DENND1A: variants seen among roughly 807,000 people sequenced by gnomAD.
DENND1A encodes DENN domain-containing protein 1A.
In DENND1A, 51 loss-of-function variants were observed where a neutral mutation model predicts 113.7. The observed-to-expected ratio is 0.45, with a 90% confidence interval of 0.36 to 0.57. The LOEUF is 0.57. Among genes scored for constraint, DENND1A ranks in the 20% least tolerant of loss-of-function variants. The pLI, the probability that DENND1A is intolerant of heterozygous loss-of-function variation, is 0.00. For missense variants in DENND1A, 1,258 were observed against 1,395.9 expected (o/e 0.90, Z 1.57); for synonymous variants, 565 against 570.8 (o/e 0.99, Z 0.14).
chr9:123,568,754 A>C (rs914583892), intron 12 of DENND1A, among the ~76,000 whole-genome samples: 4 of 152,106 alleles, frequency 2.6e-5, no homozygotes, highest in Admixed American at 1.3e-4. Flanking sequence ...ACACAGAGCG[A>C]GATATCTCCC....
chr9:123,657,409 G>A (rs1286543826), intron 8 of DENND1A, among the ~76,000 whole-genome samples: 1 of 151,338 alleles, frequency 6.6e-6, no homozygotes, highest in African/African-American at 2.4e-5. Context: ...GGCGATGGGG[G>A]GAGTTGGAGT....
intron 8 of DENND1A, among the ~76,000 whole-genome samples, chr9:123,655,679 G>T (rs2139532162): frequency 6.6e-6 from 1 of 152,324 alleles, no homozygotes; most frequent in East Asian, 1.9e-4. Flanking sequence ...TTCACAGCCA[G>T]GCCAAGCATA....
At chr9:123,403,220 G>C (rs1362700201) in intron 21 of DENND1A, among the ~76,000 whole-genome samples, 182 bp downstream of exon 21, 1 of 152,244 alleles carries the variant, frequency 6.6e-6, no homozygotes, top group Non-Finnish European at 1.5e-5. Context: ...CCTCCCACTG[G>C]TGTGACAACC....
intron 1 of DENND1A, among the ~76,000 whole-genome samples, chr9:123,920,462 A>G (rs1487191930): frequency 1.3e-5 from 2 of 152,244 alleles, no homozygotes; most frequent in Non-Finnish European, 2.9e-5. Flanking sequence ...AAAAAGACTG[A>G]AAAGTAGTAC....
At chr9:123,482,825 G>A (rs1038909369) in intron 13 of DENND1A, among the ~76,000 whole-genome samples, 2 of 152,230 alleles carry the variant, frequency 1.3e-5, no homozygotes, top group African/African-American at 4.8e-5. Flanking sequence ...CCAGGCCTCT[G>A]TGGGATGGAG....
chr9:123,918,211 G>A (rs1006295649), intron 1 of DENND1A, among the ~76,000 whole-genome samples: 7 of 151,196 alleles, frequency 4.6e-5, no homozygotes, highest in Non-Finnish European at 8.8e-5. Context: ...TGGACAGGCC[G>A]GGCGTGGTGG....
intron 1 of DENND1A, among the ~76,000 whole-genome samples, chr9:123,889,761 T>G (rs992747039): frequency 2.6e-5 from 4 of 152,120 alleles, no homozygotes; most frequent in Non-Finnish European, 5.9e-5. Flanking sequence ...TCACCTGAGG[T>G]CAGGAGTTCA....
chr9:123,855,686 C>T (rs1318313660), intron 2 of DENND1A, among the ~76,000 whole-genome samples: 1 of 152,132 alleles, frequency 6.6e-6, no homozygotes, highest in African/African-American at 2.4e-5. Flanking sequence ...TTAAAACACA[C>T]ATTATGACAG....
At chr9:123,501,368 A>G (rs964915481) in intron 13 of DENND1A, among the ~76,000 whole-genome samples, 5 of 152,308 alleles carry the variant, frequency 3.3e-5, no homozygotes, top group African/African-American at 1.2e-4. Context: ...TTGCTTCCAC[A>G]TTTTAGCTAT....
At chr9:123,427,484 G>A (rs1408821460) in intron 19 of DENND1A, among the ~76,000 whole-genome samples, 3 of 152,098 alleles carry the variant, frequency 2.0e-5, no homozygotes, top group Non-Finnish European at 4.4e-5. Context: ...CTACCTCCCT[G>A]GTCTGCCATG....
Position 123,842,317 on chromosome 9 carries a change from A to G in DENND1A, c.88+36634T>C, listed in dbSNP as rs866592201. On this transcript the variant is annotated intron_variant, in intron 2 of 23. Coordinates refer to ENST00000394215, the MANE Select transcript of DENND1A (RefSeq NM_001352964.2). Reference sequence around the variant, plus strand: ...GACAAAGAAACAGCATCTGAAAATGACAATTACTTTGCAGTGGCTGCAAGT... The same window carrying G: ...GACAAAGAAACAGCATCTGAAAATGGCAATTACTTTGCAGTGGCTGCAAGT... 1.6e-4 allele frequency among the ~76,000 whole-genome samples: 24 copies of G among 152,256 alleles called. 1 individual carries two copies. Among genetic ancestry groups the G allele is most frequent in the African/African-American group, 5.1e-4 (21 of 41,472 alleles).
At chr9:123,565,430 T>C (rs2058001027) in intron 12 of DENND1A, among the ~76,000 whole-genome samples, 1 of 152,246 alleles carries the variant, frequency 6.6e-6, no homozygotes, top group African/African-American at 2.4e-5. Flanking sequence ...TGCTTCTCTT[T>C]CCTGGGAGTT....
In DENND1A at chr9:123,450,102, G is replaced by A. The variant is rs113776707; in HGVS notation, c.1356+591C>T. On this transcript the variant is annotated intron_variant, in intron 18 of 23. Transcript: ENST00000394215. ...GGAATCTTAGCCAGGACATAGCTGG[G>A]ATGATATCCCACTTTTACTGACGGC... 3.2e-3 allele frequency among the ~76,000 whole-genome samples: 487 copies of A among 151,304 alleles called. 6 individuals carry two copies. Among genetic ancestry groups the A allele is most frequent in the Non-Finnish European group, 2.1e-3 (145 of 67,932 alleles).
chr9:123,519,101 C>A (rs2054176977), intron 13 of DENND1A, among the ~76,000 whole-genome samples: 1 of 152,226 alleles, frequency 6.6e-6, no homozygotes, highest in South Asian at 2.1e-4. Context: ...CCCCTCCACC[C>A]AACACGGATG....
intron 5 of DENND1A, among the ~76,000 whole-genome samples, chr9:123,686,888 T>C (rs955757208): frequency 2.0e-5 from 3 of 152,194 alleles, no homozygotes; most frequent in Non-Finnish European, 4.4e-5. Flanking sequence ...TTTCCACAAA[T>C]AGTACTCATT....
At chr9:123,461,500 T>C (rs1293496075) in intron 13 of DENND1A, among the ~76,000 whole-genome samples, 1 of 152,178 alleles carries the variant, frequency 6.6e-6, no homozygotes, top group East Asian at 1.9e-4. Flanking sequence ...GTGGCACCCA[T>C]GCACAGGGAG....
chr9:123,684,329 ACT>A (rs1451010861), intron 5 of DENND1A, among the ~76,000 whole-genome samples: 1 of 151,910 alleles, frequency 6.6e-6, no homozygotes, highest in East Asian at 1.9e-4. Context: ...TTCAGAAGAT[ACT>A]CTTCTCTCCA....
intron 5 of DENND1A, among the ~76,000 whole-genome samples, chr9:123,730,959 G>A (rs569426372): frequency 3.3e-5 from 5 of 152,192 alleles, no homozygotes; most frequent in African/African-American, 4.8e-5. Context: ...TCTTTGCAGC[G>A]ACATGGATGA....
intron 1 of DENND1A, among the ~76,000 whole-genome samples, chr9:123,904,606 G>C (rs1463291146): frequency 6.7e-6 from 1 of 149,746 alleles, no homozygotes; most frequent in African/African-American, 2.5e-5. Flanking sequence ...TCAACTGGAA[G>C]AAAGGGTATC....
Sources: gnomAD v4.1 joint callset for allele counts (sites outside exome capture counted in the v4.1 genomes callset) on GRCh38, gnomAD v4.1.1 for gene constraint, MANE v1.5 for transcripts, NCBI Gene and HGNC (gene_info 2026-07-23, HGNC 2026-07-21) for gene names.